The following TCF4 variants were observed in gnomAD, a reference collection of about 807,000 sequenced individuals.
The protein encoded by TCF4 is transcription factor 4, also known as SL3-3 enhancer factor 2.
TCF4 carries 3 observed loss-of-function variants against 82.1 expected under a neutral mutation model. That is an observed-to-expected ratio of 0.04 (90% CI 0.02 to 0.09). The LOEUF is 0.09. Ranked by LOEUF, TCF4 falls within the 10% of genes least tolerant of loss-of-function variation. The pLI is 1.00. For missense variants in TCF4, 518 were observed against 852.7 expected, an observed-to-expected ratio of 0.61 and a Z score of 4.89; for synonymous variants, 276 against 309.6, an observed-to-expected ratio of 0.89 and a Z score of 1.14.
At chr18:55,471,557 A>G (rs2096180177) in intron 3 of TCF4, among the ~76,000 whole-genome samples, 1 of 152,186 alleles carries the variant, frequency 6.6e-6, no homozygotes, top group Non-Finnish European at 1.5e-5. Context: ...AAGTGAGGCC[A>G]AGAGTTCGAG....
At chr18:55,489,169 C>A (rs903270584) in intron 3 of TCF4, among the ~76,000 whole-genome samples, 5 of 152,126 alleles carry the variant, frequency 3.3e-5, no homozygotes, top group African/African-American at 1.2e-4. Context: ...CAGTTAGAGC[C>A]ACAGTTTTCC....
chr18:55,498,107 A>G (rs2096657906), intron 3 of TCF4, among the ~76,000 whole-genome samples: 1 of 152,218 alleles, frequency 6.6e-6, no homozygotes, highest in Admixed American at 6.5e-5. Context: ...ATATTTTTAC[A>G]AGGAGGCTCT....
chr18:55,499,696 A>G (rs2096675869), intron 3 of TCF4, among the ~76,000 whole-genome samples: 1 of 152,202 alleles, frequency 6.6e-6, no homozygotes, highest in South Asian at 2.1e-4. Context: ...TCCAGGCCAG[A>G]TGGCCATATA....
At chr18:55,481,559 G>A (rs1031783131) in intron 3 of TCF4, among the ~76,000 whole-genome samples, 19 of 152,288 alleles carry the variant, frequency 1.2e-4, no homozygotes, top group African/African-American at 4.3e-4. Context: ...AGAACACCTG[G>A]ATTTCTTTTT....
At chr18:55,472,366 T>C (rs1297648860) in intron 3 of TCF4, among the ~76,000 whole-genome samples, 5 of 152,218 alleles carry the variant, frequency 3.3e-5, no homozygotes, top group South Asian at 4.1e-4. Flanking sequence ...TATTAATTTA[T>C]ATATTTGGAG....
At chr18:55,307,047 A>C (rs1372973024) in intron 8 of TCF4, among the ~76,000 whole-genome samples, 1 of 152,234 alleles carries the variant, frequency 6.6e-6, no homozygotes, top group Non-Finnish European at 1.5e-5. Context: ...AAAATAGTTC[A>C]TTTCTGAAAA....
At chr18:55,607,296 T>C (rs976193952) in intron 2 of TCF4, among the ~76,000 whole-genome samples, 1 of 152,264 alleles carries the variant, frequency 6.6e-6, no homozygotes, top group Admixed American at 6.5e-5. Flanking sequence ...AAATGTGTTG[T>C]TCTTAAAAGT....
At chr18:55,329,686 A>G (rs796419691) in intron 8 of TCF4, among the ~76,000 whole-genome samples, 23 of 152,338 alleles carry the variant, frequency 1.5e-4, no homozygotes, top group African/African-American at 5.3e-4. Context: ...TATTTCCTTC[A>G]TTTATGGTTG....
At chr18:55,503,585 T>C (rs1174364308) in intron 3 of TCF4, among the ~76,000 whole-genome samples, 2 of 152,238 alleles carry the variant, frequency 1.3e-5, no homozygotes, top group Admixed American at 6.5e-5. Flanking sequence ...AATAAGTACC[T>C]AACTCTGACT....
intron 6 of TCF4, chr18:55,401,284 C>A: frequency 8.4e-7 from 1 of 1,189,686 alleles, no homozygotes; most frequent in Non-Finnish European, 1.1e-6. Flanking sequence ...TTTTATTTAT[C>A]CCTAAGTAAT....
chr18:55,391,128 C>T (rs1409288536), intron 6 of TCF4, among the ~76,000 whole-genome samples: 14 of 152,146 alleles, frequency 9.2e-5, no homozygotes, highest in Admixed American at 9.2e-4. Flanking sequence ...AATCTTTTAC[C>T]ACCACTGATG....
intron 3 of TCF4, among the ~76,000 whole-genome samples, chr18:55,551,953 C>T (rs1171566503): frequency 6.6e-6 from 1 of 152,204 alleles, no homozygotes; most frequent in African/African-American, 2.4e-5. Context: ...TAAAAAATGT[C>T]AAATGACAAT....
chr18:55,302,788 G>A (rs541897020), intron 8 of TCF4, among the ~76,000 whole-genome samples: 52 of 152,276 alleles, frequency 3.4e-4, no homozygotes, highest in African/African-American at 1.1e-3. Context: ...TCTGGAGCCC[G>A]TTTAGCAGCT....
rs377325535 is a variant in TCF4, at chr18:55,506,240, T to C, written c.146-42103A>G. Among the ~76,000 whole-genome samples the C allele has an allele frequency of 1.5e-4, 23 of 152,312 alleles. No individual in the cohort carries two copies. The South Asian group carries it at 4.6e-3, about 30-fold the overall frequency. On this transcript the variant is annotated intron_variant, in intron 3 of 19. Coordinates refer to ENST00000354452, the MANE Select transcript of TCF4 (RefSeq NM_001083962.2). ...AAATCAAACAGCAGCAGTTTCTCTCTGGTTCAATGATCCTCATCCCACGTG... is the reference window on the plus strand; with the variant it reads ...AAATCAAACAGCAGCAGTTTCTCTCCGGTTCAATGATCCTCATCCCACGTG...
At chr18:55,460,688 C>T (rs1204005868) in intron 5 of TCF4, among the ~76,000 whole-genome samples, 1 of 152,170 alleles carries the variant, frequency 6.6e-6, no homozygotes, top group Non-Finnish European at 1.5e-5. Flanking sequence ...TCTAAATATT[C>T]ACCACTTTGA....
At chr18:55,443,355 G>T (rs556675554) in intron 5 of TCF4, among the ~76,000 whole-genome samples, 117 of 152,212 alleles carry the variant, frequency 7.7e-4, no homozygotes, top group African/African-American at 2.6e-3. Flanking sequence ...TCTAATATGG[G>T]CATTCCTTGG....
At chr18:55,322,015 G>A in intron 8 of TCF4, 3 of 1,206,292 alleles carry the variant, frequency 2.5e-6, no homozygotes, top group African/African-American at 1.6e-5. Context: ...CAACTTTTCC[G>A]AGGGGTTTTT....
At chr18:55,403,792 C>A in intron 5 of TCF4, 1 of 1,514,390 alleles carries the variant, frequency 6.6e-7, no homozygotes, top group South Asian at 1.3e-5. Flanking sequence ...ACAAACAAAT[C>A]GTAACTCCTT....
intron 8 of TCF4, among the ~76,000 whole-genome samples, chr18:55,291,326 A>C (rs1408335659): frequency 1.3e-5 from 2 of 152,162 alleles, no homozygotes; most frequent in Non-Finnish European, 2.9e-5. Flanking sequence ...TAGAGTTATA[A>C]ATGAACTCTG....
Sources: gnomAD v4.1 joint callset for allele counts (sites outside exome capture counted in the v4.1 genomes callset) on GRCh38, gnomAD v4.1.1 for gene constraint, MANE v1.5 for transcripts, NCBI Gene and HGNC (gene_info 2026-07-23, HGNC 2026-07-21) for gene names.